The following MACF1 variants were observed in gnomAD, a reference collection of about 807,000 sequenced individuals.
MACF1 encodes microtubule-actin cross-linking factor 1.
MACF1 carries 193 observed loss-of-function variants against 854.8 expected under a neutral mutation model. The ratio of observed to expected loss-of-function variants is 0.23; its 90% CI spans 0.20 to 0.25. The LOEUF (loss-of-function observed/expected upper bound fraction) is 0.25, where lower values mean the gene tolerates loss of function less well. MACF1 is among the 10% of genes least tolerant of loss of function. MACF1 has a pLI of 1.00. For missense variants in MACF1, 7,722 were observed against 8,929.1 expected (o/e 0.86, Z 5.45); for synonymous variants, 3,185 against 3,226.7 (o/e 0.99, Z 0.44).
intron 2 of MACF1, among the ~76,000 whole-genome samples, chr1:39,137,931 G>C (rs77789426): frequency 6.6e-6 from 1 of 151,764 alleles, no homozygotes; most frequent in South Asian, 2.1e-4. Context: ...GAAATTAGCC[G>C]GGCATGGTAG....
chr1:39,121,588 A>C (rs1642713789), intron 2 of MACF1, among the ~76,000 whole-genome samples: 1 of 152,096 alleles, frequency 6.6e-6, no homozygotes, highest in Non-Finnish European at 1.5e-5. Context: ...AGCTGGGACT[A>C]GGCGCGTGCC....
intron 58 of MACF1, among the ~76,000 whole-genome samples, chr1:39,394,321 T>G (rs1642189689): frequency 1.3e-5 from 2 of 152,112 alleles, no homozygotes; most frequent in Non-Finnish European, 2.9e-5. Flanking sequence ...CATGTGCACA[T>G]GAGAAAAGCC....
At chr1:39,429,023 C>T (rs972404304) in intron 63 of MACF1, among the ~76,000 whole-genome samples, 7 of 152,106 alleles carry the variant, frequency 4.6e-5, no homozygotes, top group African/African-American at 1.7e-4. Flanking sequence ...CTAAGTTTTT[C>T]TCATCCAGCG....
At chr1:39,196,989 C>T (rs925306673) in intron 2 of MACF1, among the ~76,000 whole-genome samples, 6 of 152,196 alleles carry the variant, frequency 3.9e-5, no homozygotes, top group Non-Finnish European at 7.4e-5. Context: ...GGGCCCTGCC[C>T]GTTGGCTGTT....
intron 28 of MACF1, 87 bp downstream of exon 28, chr1:39,316,616 C>T: frequency 7.4e-7 from 1 of 1,348,598 alleles, no homozygotes; most frequent in Non-Finnish European, 1.0e-6. Flanking sequence ...GATGGCATGA[C>T]ACTGATTTAA....
rs144540262 is a variant in MACF1, at chr1:39,333,555, G to A, written c.6967G>A (p.Val2323Met). The change falls in exon 37 of 101, where the codon GTG becomes ATG. Residue 2323 changes from valine (V) to methionine (M), a missense_variant. Coordinates refer to ENST00000564288, the MANE Select transcript of MACF1 (RefSeq NM_001394062.1). The part of the protein sequence containing the change: ...SRGIVPSHTA[V>M]KLMEKLNMFQ... ...AGGCATTGTGCCAAGTCACACTGCC[G>A]TGAAGCTTATGGAGAAGCTGAACAT... The A allele has an allele frequency of 6.8e-6, 11 of 1,614,084 alleles. No homozygotes were observed. In the African/African-American group the frequency reaches 9.3e-5, roughly 14 times the overall value.
At chr1:39,102,813 C>T in intron 2 of MACF1, 1 of 702,580 alleles carries the variant, frequency 1.4e-6, no homozygotes, top group South Asian at 1.5e-5. Flanking sequence ...AAGGAGAAAG[C>T]CTCAGAGCTT....
chr1:39,229,377 T>C (rs2148301162), intron 1 of MACF1, among the ~76,000 whole-genome samples: 1 of 152,246 alleles, frequency 6.6e-6, no homozygotes, highest in South Asian at 2.1e-4. Context: ...AATAGATAAA[T>C]ATATTCACCT....
chr1:39,136,527 A>T (rs1643173528), intron 2 of MACF1, among the ~76,000 whole-genome samples: 1 of 152,108 alleles, frequency 6.6e-6, no homozygotes, highest in Non-Finnish European at 1.5e-5. Flanking sequence ...CTGCAGTGGC[A>T]TTAGGATTTT....
chr1:39,459,746 A>G (rs1570159362), intron 91 of MACF1: 2 of 1,036,124 alleles, frequency 1.9e-6, no homozygotes, highest in East Asian at 1.2e-4. Flanking sequence ...TAAAAAATAT[A>G]GTACTATGCT....
intron 70 of MACF1, chr1:39,436,537 A>C: frequency 6.4e-7 from 1 of 1,573,016 alleles, no homozygotes; most frequent in Non-Finnish European, 8.8e-7. Context: ...TATAATGCTG[A>C]AAATTGAGGT....
At position 39,317,419 on chromosome 1, in the gene MACF1, C is replaced by A. The variant is rs377527195; in HGVS notation, c.3782+12C>A. 6.2e-7 allele frequency: 1 copy of A among 1,609,916 alleles called. No individual in the cohort carries two copies. Among genetic ancestry groups the A allele is most frequent in the African/African-American group, 1.3e-5 (1 of 74,608 alleles). On this transcript the variant is annotated intron_variant, in intron 29 of 100. Coordinates refer to ENST00000564288, the MANE Select transcript of MACF1 (RefSeq NM_001394062.1). The stretch of plus-strand genomic sequence containing the variant: ...CAGCTCGAGATTCGGTGAGTGGTGG[C>A]CCCACCTTTTTCTCCTATTAGAGTT...
intron 58 of MACF1, among the ~76,000 whole-genome samples, chr1:39,406,756 A>AAAAAAACAAC (rs746955922): frequency 8.6e-6 from 1 of 116,058 alleles, no homozygotes; most frequent in African/African-American, 3.8e-5. Flanking sequence ...AAAAAAAAAA[A>AAAAAAACAAC]AACATTCTTT....
intron 31 of MACF1, among the ~76,000 whole-genome samples, chr1:39,320,442 A>T (rs1019128968): frequency 6.6e-6 from 1 of 152,232 alleles, no homozygotes; most frequent in African/African-American, 2.4e-5. Flanking sequence ...TCTGCCAGTT[A>T]TGTGACATGC....
Position 39,333,867 on chromosome 1 carries a change from A to C in MACF1, c.7279A>C (p.Thr2427Pro). The change falls in exon 37 of 101, where the codon ACT (threonine) becomes CCT (proline). Residue 2427 changes from threonine (T) to proline (P), a missense_variant. Around this residue, in one of 15 missense-constraint regions of MACF1, gnomAD observed 1,531 missense variants for 1,601.6 expected, o/e 0.96. Transcript: ENST00000564288. ...GKKVSVTLASTLGLVDVADQP... is the reference protein window; with the variant it reads ...GKKVSVTLASPLGLVDVADQP... Reference sequence around the variant, plus strand: ...AAAAGTTTCAGTAACTTTGGCCTCAACTCTTGGCTTGGTGGACGTTGCTGA... The same window carrying C: ...AAAAGTTTCAGTAACTTTGGCCTCACCTCTTGGCTTGGTGGACGTTGCTGA... 1 of 1,614,134 alleles carries C rather than the reference A, an allele frequency of 6.2e-7. No homozygotes were observed. The highest frequency in any genetic ancestry group is 1.3e-5 in the African/African-American group (1 of 75,032).
chr1:39,275,069 CAAT>C (rs1018091123), intron 6 of MACF1, among the ~76,000 whole-genome samples: 3 of 149,080 alleles, frequency 2.0e-5, no homozygotes, highest in Non-Finnish European at 4.5e-5. Flanking sequence ...GATCAAACAA[CAAT>C]AAGATACTTT....
At chr1:39,202,856 A>G (rs1644409241), upstream of MACF1, among the ~76,000 whole-genome samples, 1 of 152,198 alleles carries the variant, frequency 6.6e-6, no homozygotes, top group South Asian at 2.1e-4. Context: ...GGCACATAAT[A>G]TGAAGTAAAT....
At chr1:39,137,863 C>A (rs185801298) in intron 2 of MACF1, among the ~76,000 whole-genome samples, 1 of 151,506 alleles carries the variant, frequency 6.6e-6, no homozygotes, top group East Asian at 2.0e-4. Context: ...CACCTGAGGT[C>A]GCGAGTTTGA....
At chr1:39,324,787 C>A in intron 35 of MACF1, 53 bp downstream of exon 35, 1 of 1,321,362 alleles carries the variant, frequency 7.6e-7, no homozygotes, top group South Asian at 1.2e-5. Flanking sequence ...GTCTATCAGT[C>A]TAAAACTTAC....
Sources: allele counts gnomAD v4.1 joint callset (sites outside exome capture counted in the v4.1 genomes callset), GRCh38; gene constraint gnomAD v4.1.1; regional missense constraint gnomAD v4.1.1; transcripts MANE v1.5; gene names NCBI Gene and HGNC (gene_info 2026-07-23, HGNC 2026-07-21).